Variants in BBS9 observed in about 807,000 individuals in gnomAD.
The protein encoded by BBS9 is Bardet-Biedl syndrome 9.
Under a neutral mutation model 117.7 loss-of-function variants are expected in BBS9, and 89 were observed. The ratio of observed to expected loss-of-function variants is 0.76; its 90% CI spans 0.64 to 0.90. BBS9 has a LOEUF of 0.90. BBS9 is among the 40% of genes least tolerant of loss of function. The pLI is 0.00. For missense variants in BBS9, 982 were observed against 1,042.2 expected (o/e 0.94, Z 0.80); for synonymous variants, 379 against 370.9 (o/e 1.02, Z -0.25).
At chr7:33,296,473 G>A (rs1223519674) in intron 9 of BBS9, among the ~76,000 whole-genome samples, 1 of 152,058 alleles carries the variant, frequency 6.6e-6, no homozygotes, top group Non-Finnish European at 1.5e-5. Context: ...TTTGTAGTTT[G>A]GAAGTTCTTT....
At chr7:33,350,696 GGAGTT>G (rs1818483418) in intron 13 of BBS9, among the ~76,000 whole-genome samples, 1 of 152,062 alleles carries the variant, frequency 6.6e-6, no homozygotes, top group African/African-American at 2.4e-5. Flanking sequence ...ACCTTGTTCT[GGAGTT>G]AATTCCTAGT....
At chr7:33,602,934 T>C (rs1373493665) in intron 21 of BBS9, among the ~76,000 whole-genome samples, 1 of 152,192 alleles carries the variant, frequency 6.6e-6, no homozygotes. Context: ...ACGTTCATTG[T>C]TGATAATCTA....
chr7:33,508,931 C>T (rs1846523246), intron 20 of BBS9, among the ~76,000 whole-genome samples: 1 of 152,200 alleles, frequency 6.6e-6, no homozygotes, highest in African/African-American at 2.4e-5. Context: ...ATGCTTATCC[C>T]TGTAGGCAGG....
chr7:33,202,242 G>A (rs1355232989), intron 5 of BBS9, among the ~76,000 whole-genome samples: 3 of 152,202 alleles, frequency 2.0e-5, no homozygotes, highest in African/African-American at 7.2e-5. Flanking sequence ...AACTTTGGCA[G>A]ATGCTAGGAT....
Position 33,270,842 on chromosome 7 carries a change from A to C in BBS9, c.703-2170A>C, listed in dbSNP as rs529115411. Reference sequence around the variant, plus strand: ...ACCTCACTAGAGAGGCTGATATTCAAATTCGGGAAATGCAGAGAACCCCTG... The same window carrying C: ...ACCTCACTAGAGAGGCTGATATTCACATTCGGGAAATGCAGAGAACCCCTG... On this transcript the variant is annotated intron_variant, in intron 7 of 22. Coordinates refer to ENST00000242067, the MANE Select transcript of BBS9 (RefSeq NM_198428.3). 8.5e-5 allele frequency among the ~76,000 whole-genome samples: 13 copies of C among 152,278 alleles called. No homozygotes were observed. The East Asian group carries it at 2.5e-3, about 29-fold the overall frequency.
chr7:33,526,230 G>C (rs1471448900), intron 20 of BBS9, among the ~76,000 whole-genome samples: 1 of 151,972 alleles, frequency 6.6e-6, no homozygotes, highest in Non-Finnish European at 1.5e-5. Flanking sequence ...ATGTGTCTTG[G>C]AGTTGCTCTT....
At chr7:33,154,219 G>A (rs1263277135) in intron 3 of BBS9, among the ~76,000 whole-genome samples, 1 of 152,166 alleles carries the variant, frequency 6.6e-6, no homozygotes, top group African/African-American at 2.4e-5. Flanking sequence ...TCTACTAGTA[G>A]AGCAAATGAT....
intron 19 of BBS9, among the ~76,000 whole-genome samples, chr7:33,433,502 T>C (rs1439132759): frequency 2.0e-5 from 3 of 152,208 alleles, no homozygotes; most frequent in Non-Finnish European, 4.4e-5. Flanking sequence ...TTATTCTGAG[T>C]ATTTTTTTCC....
At chr7:33,551,850 G>A (rs1421669043) in intron 21 of BBS9, among the ~76,000 whole-genome samples, 2 of 152,000 alleles carry the variant, frequency 1.3e-5, no homozygotes, top group African/African-American at 4.8e-5. Flanking sequence ...ATGAGAGGAT[G>A]GCATATTGTA....
At chr7:33,616,820 A>G (rs1210975529) in intron 21 of BBS9, among the ~76,000 whole-genome samples, 1 of 152,034 alleles carries the variant, frequency 6.6e-6, no homozygotes, top group Non-Finnish European at 1.5e-5. Context: ...AATAGTATAC[A>G]TTATATCCCA....
chr7:33,569,147 G>A (rs80265543), intron 21 of BBS9, among the ~76,000 whole-genome samples: 1 of 152,108 alleles, frequency 6.6e-6, no homozygotes, highest in Non-Finnish European at 1.5e-5. Flanking sequence ...TTACACTGAA[G>A]GGGGTGGGAA....
intron 4 of BBS9, among the ~76,000 whole-genome samples, chr7:33,156,858 A>C (rs1322094410): frequency 6.6e-6 from 1 of 151,744 alleles, no homozygotes; most frequent in Non-Finnish European, 1.5e-5. Context: ...ACATGGTTTC[A>C]TGTTGCTCCT....
chr7:33,320,211 A>G (rs373047900), intron 9 of BBS9, among the ~76,000 whole-genome samples: 18 of 151,950 alleles, frequency 1.2e-4, no homozygotes, highest in African/African-American at 4.4e-4. Context: ...TCCTATCTAT[A>G]TTTTTGTACC....
At chr7:33,227,200 C>A (rs1330530377) in intron 5 of BBS9, among the ~76,000 whole-genome samples, 1 of 150,858 alleles carries the variant, frequency 6.6e-6, no homozygotes, top group Non-Finnish European at 1.5e-5. Flanking sequence ...CACTCTGTTG[C>A]CCAGGCTGGA....
At chr7:33,285,527 G>A (rs1584097276) in intron 9 of BBS9, among the ~76,000 whole-genome samples, 1 of 152,108 alleles carries the variant, frequency 6.6e-6, no homozygotes, top group Non-Finnish European at 1.5e-5. Flanking sequence ...TTAGTTGCAT[G>A]ATTTTTGATG....
chr7:33,450,502 G>A (rs1837645302), intron 19 of BBS9, among the ~76,000 whole-genome samples: 1 of 152,184 alleles, frequency 6.6e-6, no homozygotes, highest in Admixed American at 6.5e-5. Flanking sequence ...CAGTGCACAA[G>A]GATTCCAGTT....
intron 9 of BBS9, among the ~76,000 whole-genome samples, chr7:33,307,265 G>A (rs1324919727): frequency 6.6e-6 from 1 of 152,152 alleles, no homozygotes; most frequent in Non-Finnish European, 1.5e-5. Context: ...AACCCAAAGG[G>A]ACTTTTCAGC....
At chr7:33,294,345 C>T (rs562112218) in intron 9 of BBS9, among the ~76,000 whole-genome samples, 36 of 129,614 alleles carry the variant, frequency 2.8e-4, no homozygotes, top group Middle Eastern at 3.9e-3. Flanking sequence ...ATCTATCTAT[C>T]TATCTATCTC....
intron 19 of BBS9, among the ~76,000 whole-genome samples, chr7:33,437,870 C>T (rs570760093): frequency 6.6e-6 from 1 of 152,096 alleles, no homozygotes; most frequent in South Asian, 2.1e-4. Context: ...AGTGAGACTC[C>T]GTTGCAAAAA....
Sources: gnomAD v4.1 joint callset for allele counts (sites outside exome capture counted in the v4.1 genomes callset) on GRCh38, gnomAD v4.1.1 for gene constraint, MANE v1.5 for transcripts, NCBI Gene and HGNC (gene_info 2026-07-23, HGNC 2026-07-21) for gene names.